The following MED12L variants were observed in gnomAD, a reference collection of about 807,000 sequenced individuals.
MED12L encodes the protein mediator complex subunit 12L, also known as mediator of RNA polymerase II transcription subunit 12-like protein.
MED12L carries 60 observed loss-of-function variants against 281.3 expected under a neutral mutation model. That is an observed-to-expected ratio of 0.21 (90% CI 0.17 to 0.26). The LOEUF (loss-of-function observed/expected upper bound fraction) is 0.26, where lower values mean the gene tolerates loss of function less well. Among genes scored for constraint, MED12L ranks in the 10% least tolerant of loss-of-function variants. The pLI is 1.00. For synonymous variants in MED12L, 974 were observed against 987.2 expected, an observed-to-expected ratio of 0.99 and a Z score of 0.25; for missense variants, 2,146 against 2,680.9, an observed-to-expected ratio of 0.80 and a Z score of 4.41.
intron 2 of MED12L, among the ~76,000 whole-genome samples, chr3:151,101,297 G>A (rs533557062): frequency 6.6e-6 from 1 of 152,264 alleles, no homozygotes; most frequent in South Asian, 2.1e-4. Flanking sequence ...TATTGTGTTT[G>A]TTGTTCTGAG....
At chr3:151,194,564 T>G (rs577187274) in intron 16 of MED12L, among the ~76,000 whole-genome samples, 1 of 152,244 alleles carries the variant, frequency 6.6e-6, no homozygotes, top group South Asian at 2.1e-4. Context: ...GTATTTTAGT[T>G]GAAAAATTGG....
In MED12L at chr3:151,413,183, G is replaced by A. The variant is rs1232359472; in HGVS notation, c.6185G>A (p.Gly2062Glu). 5 of 1,614,096 alleles carry A rather than the reference G, an allele frequency of 3.1e-6. No homozygotes were observed. Among genetic ancestry groups the A allele is most frequent in the Non-Finnish European group, 4.2e-6 (5 of 1,179,964 alleles). The part of the protein sequence containing the change: ...ALQQSPLVGG[G>E]IDAVLTSAHP... The stretch of plus-strand genomic sequence containing the variant: ...CAGCAGAGCCCTCTGGTGGGCGGGG[G>A]AATTGATGCTGTGCTGACTTCTGCA... The change falls in exon 42 of 45, where the codon GGA becomes GAA. Residue 2062 changes from glycine to glutamate, a missense_variant. This residue lies in a region of MED12L where 496 missense variants were observed against 512.0 expected (regional missense o/e 0.97). Coordinates refer to ENST00000687756, the MANE Select transcript of MED12L (RefSeq NM_001393769.1).
chr3:151,195,189 A>G (rs1270899271), intron 16 of MED12L, among the ~76,000 whole-genome samples: 1 of 152,172 alleles, frequency 6.6e-6, no homozygotes, highest in Non-Finnish European at 1.5e-5. Flanking sequence ...TTGTAGATGT[A>G]TTACGTTACT....
intron 16 of MED12L, among the ~76,000 whole-genome samples, chr3:151,303,447 T>C (rs1746216696): frequency 6.6e-6 from 1 of 152,026 alleles, no homozygotes; most frequent in African/African-American, 2.4e-5. Flanking sequence ...GCTGTGGGAA[T>C]GAATGAGATT....
At chr3:151,327,734 T>TAAA (rs63497161) in intron 16 of MED12L, 187 of 252,456 alleles carry the variant, frequency 7.4e-4, no homozygotes, top group Admixed American at 1.9e-3. Context: ...CTCTTGAAAT[T>TAAA]AAAAAAAAAA....
At chr3:151,180,341 G>T (rs141295166) in intron 11 of MED12L, among the ~76,000 whole-genome samples, 1 of 152,142 alleles carries the variant, frequency 6.6e-6, no homozygotes, top group Non-Finnish European at 1.5e-5. Flanking sequence ...AGGAGATACC[G>T]AAGGGGTGGA....
chr3:151,314,564 G>A (rs1426120167), intron 16 of MED12L, among the ~76,000 whole-genome samples: 1 of 152,204 alleles, frequency 6.6e-6, no homozygotes, highest in East Asian at 1.9e-4. Context: ...GGTAGGAAGA[G>A]CAAATAGTAC....
At position 151,147,209 on chromosome 3, in the gene MED12L, C is replaced by T. The variant is rs141653024; in HGVS notation, c.557-8952C>T. On this transcript the variant is annotated intron_variant, in intron 5 of 44. Coordinates refer to ENST00000687756, the MANE Select transcript of MED12L (RefSeq NM_001393769.1). ...ACCCCTTATCCTCTCTGTCTCCCCC[C>T]ACCTGTGAAATTATATCATTTCCTA... Among the ~76,000 whole-genome samples, 337 of 152,304 alleles carry T rather than the reference C, an allele frequency of 2.2e-3. 2 individuals are homozygous for T. Among genetic ancestry groups the T allele is most frequent in the African/African-American group, 7.4e-3 (306 of 41,558 alleles).
At chr3:151,193,465 C>G in intron 15 of MED12L, 25 bp from the exon 16 acceptor site, 1 of 1,597,814 alleles carries the variant, frequency 6.3e-7, no homozygotes, top group Non-Finnish European at 8.5e-7. Context: ...TTTACAATCT[C>G]CAACATTTGT....
intron 42 of MED12L, among the ~76,000 whole-genome samples, 154 bp from the exon 43 acceptor site, chr3:151,416,158 G>C (rs953356965): frequency 6.6e-6 from 1 of 152,186 alleles, no homozygotes; most frequent in Admixed American, 6.5e-5. Context: ...TCAAAAGGAC[G>C]AATGAGGTTC....
intron 16 of MED12L, among the ~76,000 whole-genome samples, chr3:151,305,464 T>TA (rs1746514573): frequency 6.6e-6 from 1 of 152,206 alleles, no homozygotes; most frequent in Non-Finnish European, 1.5e-5. Flanking sequence ...GATTAACACA[T>TA]TCTCAGTTTC....
intron 26 of MED12L, among the ~76,000 whole-genome samples, chr3:151,372,297 A>G (rs1345087759): frequency 6.6e-6 from 1 of 152,196 alleles, no homozygotes; most frequent in African/African-American, 2.4e-5. Flanking sequence ...GTGATTCATA[A>G]TGGCCTTTCC....
At chr3:151,285,244 G>A (rs1319963783) in intron 16 of MED12L, among the ~76,000 whole-genome samples, 1 of 152,102 alleles carries the variant, frequency 6.6e-6, no homozygotes, top group Admixed American at 6.5e-5. Context: ...CAGCACTTTG[G>A]GAGGCTGAGG....
intron 11 of MED12L, among the ~76,000 whole-genome samples, chr3:151,170,585 A>G (rs1010143978): frequency 6.6e-6 from 1 of 152,056 alleles, no homozygotes; most frequent in Non-Finnish European, 1.5e-5. Flanking sequence ...GGAATGTGCT[A>G]ATTCTTTACT....
chr3:151,204,727 T>C (rs1227758097), intron 16 of MED12L, among the ~76,000 whole-genome samples: 1 of 152,036 alleles, frequency 6.6e-6, no homozygotes, highest in African/African-American at 2.4e-5. Flanking sequence ...ATGAGTGGAG[T>C]TGACTGCAAA....
At chr3:151,310,591 C>T (rs749155462) in intron 16 of MED12L, among the ~76,000 whole-genome samples, 1 of 152,132 alleles carries the variant, frequency 6.6e-6, no homozygotes, top group Non-Finnish European at 1.5e-5. Flanking sequence ...TCTTGTTTTC[C>T]TGTTGGAGTT....
chr3:151,339,679 A>G (rs147323742), intron 16 of MED12L, among the ~76,000 whole-genome samples: 1 of 152,210 alleles, frequency 6.6e-6, no homozygotes, highest in African/African-American at 2.4e-5. Flanking sequence ...GCCTGTGTAT[A>G]TATGGTCATG....
intron 16 of MED12L, among the ~76,000 whole-genome samples, chr3:151,242,634 G>A (rs1476139395): frequency 6.6e-6 from 1 of 152,174 alleles, no homozygotes; most frequent in African/African-American, 2.4e-5. Context: ...CATCATCAAA[G>A]ACCAAAAGTA....
In MED12L at chr3:151,355,859, T is replaced by C. The variant is rs532608665; in HGVS notation, c.2518-37T>C. The stretch of plus-strand genomic sequence containing the variant: ...TATCTTAGTAAAAGATTATTTAGAA[T>C]ATTGGTCTTACAATATTTTTGTTTT... On this transcript the variant is annotated intron_variant, in intron 18 of 44. Transcript: ENST00000687756. 3.2e-6 allele frequency: 5 copies of C among 1,555,594 alleles called. No homozygotes were observed. The East Asian group carries it at 9.0e-5, about 28-fold the overall frequency.
Sources: gnomAD v4.1 joint callset for allele counts (sites outside exome capture counted in the v4.1 genomes callset) on GRCh38, gnomAD v4.1.1 for gene constraint, gnomAD v4.1.1 regional missense constraint, MANE v1.5 for transcripts, NCBI Gene and HGNC (gene_info 2026-07-23, HGNC 2026-07-21) for gene names.